Variants in SLC25A21 observed in about 807,000 individuals in gnomAD.
SLC25A21 encodes solute carrier family 25 member 21, also known as mitochondrial 2-oxodicarboxylate carrier.
Under a neutral mutation model 43.8 loss-of-function variants are expected in SLC25A21, and 47 were observed. The observed-to-expected ratio is 1.07, with a 90% confidence interval of 0.85 to 1.37. SLC25A21 has a LOEUF of 1.37. SLC25A21 is among the 40% of genes most tolerant of loss of function. The pLI, the probability that SLC25A21 is intolerant of heterozygous loss-of-function variation, is 0.00. For missense variants in SLC25A21, 352 were observed against 350.2 expected (o/e 1.00, Z -0.04); for synonymous variants, 131 against 121.3 (o/e 1.08, Z -0.52).
intron 2 of SLC25A21, among the ~76,000 whole-genome samples, chr14:36,828,928 G>T (rs1243581212): frequency 1.3e-5 from 2 of 152,154 alleles, no homozygotes; most frequent in East Asian, 3.9e-4. Context: ...GCTTAAGAGG[G>T]TCTCACTATG....
chr14:36,711,546 C>A, intron 6 of SLC25A21, 64 bp from the exon 7 acceptor site: 2 of 1,501,126 alleles, frequency 1.3e-6, no homozygotes, highest in South Asian at 2.6e-5. Context: ...AGTAAATTAC[C>A]GTATTAACTT....
intron 1 of SLC25A21, among the ~76,000 whole-genome samples, chr14:36,926,550 T>C (rs1025948255): frequency 6.6e-6 from 1 of 151,970 alleles, no homozygotes; most frequent in South Asian, 2.1e-4. Flanking sequence ...AGATGCCAAA[T>C]AGCAAAGCCA....
intron 1 of SLC25A21, among the ~76,000 whole-genome samples, chr14:37,050,404 A>C (rs144849605): frequency 7.2e-5 from 11 of 152,324 alleles, no homozygotes; most frequent in Admixed American, 1.3e-4. Context: ...CTGATAAATA[A>C]CATAATTATC....
intron 1 of SLC25A21, among the ~76,000 whole-genome samples, chr14:36,919,945 G>C (rs966902712): frequency 6.6e-6 from 1 of 151,996 alleles, no homozygotes; most frequent in Non-Finnish European, 1.5e-5. Flanking sequence ...GAAAGCTCTC[G>C]TTTTGTATAT....
intron 1 of SLC25A21, among the ~76,000 whole-genome samples, chr14:37,145,452 C>CAG (rs1442646203): frequency 8.6e-5 from 2 of 23,246 alleles, no homozygotes; most frequent in Non-Finnish European, 3.6e-4. Flanking sequence ...TACACACACA[C>CAG]ACACACACAC....
At chr14:36,714,560 C>G (rs558020249) in intron 6 of SLC25A21, among the ~76,000 whole-genome samples, 2 of 152,172 alleles carry the variant, frequency 1.3e-5, no homozygotes, top group Non-Finnish European at 2.9e-5. Context: ...TAAGGCCATA[C>G]GGGAAGAAAG....
intron 2 of SLC25A21, among the ~76,000 whole-genome samples, chr14:36,845,934 C>T (rs114737849): frequency 0.019 from 2,895 of 152,146 alleles, 53 homozygotes; most frequent in African/African-American, 0.045. Context: ...ATTTTTAATG[C>T]GATAAATGTT....
intron 1 of SLC25A21, among the ~76,000 whole-genome samples, chr14:37,144,793 TTTG>T (rs1963631696): frequency 6.6e-6 from 1 of 151,986 alleles, no homozygotes; most frequent in Admixed American, 6.6e-5. Flanking sequence ...GGTTTTTTTT[TTTG>T]TTTTTTTAGT....
At chr14:36,696,856 C>T (rs928747651) in intron 7 of SLC25A21, among the ~76,000 whole-genome samples, 2 of 152,126 alleles carry the variant, frequency 1.3e-5, no homozygotes, top group Non-Finnish European at 2.9e-5. Flanking sequence ...TTTCAAAAAA[C>T]GAGCTCCTGG....
chr14:37,162,715 C>T lies in SLC25A21; in HGVS notation c.70+9566G>A, dbSNP rs959686629. ...GTGGGACTGTAAACTAGTTCAACCA[C>T]TGTGGAAGTCAGTGTGGCGATTCCT... On this transcript the variant is annotated intron_variant, in intron 1 of 9. Coordinates refer to ENST00000331299, the MANE Select transcript of SLC25A21 (RefSeq NM_030631.4). Among the ~76,000 whole-genome samples, 510 of 152,270 alleles carry T rather than the reference C, an allele frequency of 3.3e-3. 4 individuals are homozygous for T. Among genetic ancestry groups the T allele is most frequent in the Non-Finnish European group, 2.5e-3 (169 of 68,028 alleles).
intron 1 of SLC25A21, among the ~76,000 whole-genome samples, chr14:37,047,453 A>G (rs1961610958): frequency 6.6e-6 from 1 of 152,230 alleles, no homozygotes; most frequent in South Asian, 2.1e-4. Context: ...TGTAGCAAAC[A>G]GCAGACCATG....
intron 3 of SLC25A21, among the ~76,000 whole-genome samples, chr14:36,739,862 T>A (rs1008056539): frequency 1.3e-5 from 2 of 152,098 alleles, no homozygotes; most frequent in Non-Finnish European, 2.9e-5. Context: ...GCAGAATTGT[T>A]CAAACCCATC....
intron 1 of SLC25A21, among the ~76,000 whole-genome samples, chr14:37,153,336 C>T (rs1963790744): frequency 1.3e-5 from 2 of 152,218 alleles, no homozygotes. Context: ...CAAGTTATCA[C>T]TGCTGGAATG....
At chr14:36,951,507 G>C (rs1892809949) in intron 1 of SLC25A21, among the ~76,000 whole-genome samples, 1 of 152,096 alleles carries the variant, frequency 6.6e-6, no homozygotes, top group Non-Finnish European at 1.5e-5. Flanking sequence ...TGTTGCTGGA[G>C]CAAATAAAAC....
At chr14:37,011,306 G>C (rs1960727160) in intron 1 of SLC25A21, among the ~76,000 whole-genome samples, 1 of 152,054 alleles carries the variant, frequency 6.6e-6, no homozygotes, top group South Asian at 2.1e-4. Flanking sequence ...CACCACACCT[G>C]ACCTAAATTC....
At chr14:36,861,698 TA>T (rs1566684115) in intron 2 of SLC25A21, among the ~76,000 whole-genome samples, 1 of 152,240 alleles carries the variant, frequency 6.6e-6, no homozygotes. Context: ...AAAACATTTT[TA>T]AAACTGTTAC....
At position 36,679,257 on chromosome 14, in the gene SLC25A21, C is replaced by T. The variant is rs1349497730; in HGVS notation, c.*1401G>A. 2 of 983,272 alleles carry T rather than the reference C, an allele frequency of 2.0e-6. No individual in the cohort carries two copies. The highest frequency in any genetic ancestry group is 1.1e-4 in the East Asian group (1 of 8,802). 60.9% of individuals were successfully genotyped at this position (983,272 alleles called of 1,614,324 possible). ...ACTGAAATATAAATTTTAAAAAACA[C>T]GTTGGAAAGGATGTACAACAGAAGG... is the stretch of plus-strand genomic sequence containing the variant. On this transcript the variant is annotated 3_prime_UTR_variant, in exon 10 of 10. Transcript: ENST00000331299.
intron 2 of SLC25A21, among the ~76,000 whole-genome samples, chr14:36,865,662 G>A (rs1405964152): frequency 6.6e-6 from 1 of 152,100 alleles, no homozygotes; most frequent in Non-Finnish European, 1.5e-5. Context: ...TTCAGCAGTA[G>A]TTCCCAAAGG....
chr14:36,969,744 G>T (rs1384763328), intron 1 of SLC25A21, among the ~76,000 whole-genome samples: 1 of 151,786 alleles, frequency 6.6e-6, no homozygotes, highest in Non-Finnish European at 1.5e-5. Context: ...CTACCTCCTT[G>T]GCCTCCCAAA....
Sources: gnomAD v4.1 joint callset for allele counts (sites outside exome capture counted in the v4.1 genomes callset) on GRCh38, gnomAD v4.1.1 for gene constraint, MANE v1.5 for transcripts, NCBI Gene and HGNC (gene_info 2026-07-23, HGNC 2026-07-21) for gene names.